KCTD21: variants seen among roughly 807,000 people sequenced by gnomAD.
KCTD21 encodes potassium channel tetramerization domain containing 21.
In KCTD21, 9 loss-of-function variants were observed where a neutral mutation model predicts 13.2. The ratio of observed to expected loss-of-function variants is 0.68; its 90% CI spans 0.41 to 1.19. The LOEUF (loss-of-function observed/expected upper bound fraction) is 1.19, where lower values mean the gene tolerates loss of function less well. KCTD21 is among the 50% of genes most tolerant of loss of function. The pLI, the probability that KCTD21 is intolerant of heterozygous loss-of-function variation, is 0.01. For missense variants in KCTD21, 303 were observed against 336.5 expected (o/e 0.90, Z 0.78); for synonymous variants, 142 against 137.4 (o/e 1.03, Z -0.23).
chr11:78,188,557 G>A lies in KCTD21; in HGVS notation c.-30+16C>T, dbSNP rs1862890169. On this transcript the variant is annotated intron_variant, in intron 1 of 1. Transcript: ENST00000340067. ...GTAGTCCCCGAGCCCCGCGACCCCG[G>A]CCGTGCCGCACCCACCTCCTGCCCT... The A allele has an allele frequency of 1.9e-5, 19 of 985,500 alleles. No homozygotes were observed. The highest frequency in any genetic ancestry group is 2.3e-5 in the Non-Finnish European group (19 of 830,042). 61.0% of individuals were successfully genotyped at this position (985,500 alleles called of 1,614,324 possible).
chr11:78,183,014 T>C (rs190280889), intron 1 of KCTD21, among the ~76,000 whole-genome samples: 18 of 152,326 alleles, frequency 1.2e-4, no homozygotes, highest in Admixed American at 6.5e-4. Flanking sequence ...CTATCATCTA[T>C]CTATCAATCA....
chr11:78,174,844 C>T (rs571038754), intron 1 of KCTD21: 20 of 331,186 alleles, frequency 6.0e-5, no homozygotes, highest in African/African-American at 2.7e-4. Context: ...CCCGCGCCCC[C>T]CTCTGCTGCC....
At chr11:78,183,931 G>T (rs544196460) in intron 1 of KCTD21, among the ~76,000 whole-genome samples, 6 of 152,016 alleles carry the variant, frequency 3.9e-5, no homozygotes, top group African/African-American at 1.4e-4. Context: ...CACCGCACCC[G>T]GCCAGGAAAA....
intron 1 of KCTD21, among the ~76,000 whole-genome samples, chr11:78,184,477 T>A (rs1343151407): frequency 6.6e-6 from 1 of 151,808 alleles, no homozygotes; most frequent in Non-Finnish European, 1.5e-5. Context: ...GCTGGGAGTA[T>A]AGGCACACAC....
intron 1 of KCTD21, among the ~76,000 whole-genome samples, chr11:78,175,606 T>C (rs1382152675): frequency 3.9e-5 from 6 of 152,214 alleles, no homozygotes; most frequent in Non-Finnish European, 7.3e-5. Flanking sequence ...CTGAATTTAA[T>C]TATTATTCTC....
chr11:78,180,889 G>A (rs1468561842), intron 1 of KCTD21, among the ~76,000 whole-genome samples: 2 of 106,936 alleles, frequency 1.9e-5, no homozygotes, highest in Non-Finnish European at 3.9e-5. Flanking sequence ...TCCTCATGCT[G>A]TTCTTGTGAT....
intron 1 of KCTD21, among the ~76,000 whole-genome samples, chr11:78,186,240 G>A (rs1862759004): frequency 6.6e-6 from 1 of 151,262 alleles, no homozygotes; most frequent in South Asian, 2.1e-4. Flanking sequence ...GCTGGGCATG[G>A]TAACACGTGC....
chr11:78,175,941 T>C (rs1590874795), intron 1 of KCTD21, among the ~76,000 whole-genome samples: 1 of 152,022 alleles, frequency 6.6e-6, no homozygotes, highest in Non-Finnish European at 1.5e-5. Context: ...TGTCCATGTG[T>C]TCTCATTGTT....
chr11:78,181,553 G>C lies in KCTD21; in HGVS notation c.-29-6970C>G, dbSNP rs140629418. Among the ~76,000 whole-genome samples the C allele has an allele frequency of 3.3e-3, 502 of 152,264 alleles. 3 individuals are homozygous for C. The highest frequency in any genetic ancestry group is 0.011 in the African/African-American group (472 of 41,554). ...ACACAAGGCATATTTTGGAGTGATG[G>C]GAATATTCTATTAGGTTGGCACAAA... On this transcript the variant is annotated intron_variant, in intron 1 of 1. Transcript: ENST00000340067.
In KCTD21 at chr11:78,173,612, T is replaced by G. The variant is rs1862348162; in HGVS notation, c.*160A>C. Reference sequence around the variant, plus strand: ...TGGTTCTGTTCAGAGGACACTGGATTCCAAAAGGTGGACTTCATCATGGGG... The same window carrying G: ...TGGTTCTGTTCAGAGGACACTGGATGCCAAAAGGTGGACTTCATCATGGGG... On this transcript the variant is annotated 3_prime_UTR_variant, in exon 2 of 2. Coordinates refer to ENST00000340067, the MANE Select transcript of KCTD21 (RefSeq NM_001029859.3). 16 of 687,638 alleles carry G rather than the reference T, an allele frequency of 2.3e-5. No homozygotes were observed. The South Asian group carries it at 2.8e-4, about 12-fold the overall frequency. 42.6% of individuals were successfully genotyped at this position (687,638 alleles called of 1,614,324 possible).
At chr11:78,187,859 C>A in intron 1 of KCTD21, 1 of 985,366 alleles carries the variant, frequency 1.0e-6, no homozygotes, top group Non-Finnish European at 1.2e-6. Context: ...GGGAGAAAAG[C>A]AAGGTCTTTG....
intron 1 of KCTD21, chr11:78,188,213 C>A (rs1862862180): frequency 1.0e-6 from 1 of 984,950 alleles, no homozygotes. Flanking sequence ...CCCAGCCCTA[C>A]AGCCCCCACT....
chr11:78,173,709 C>T lies in KCTD21; in HGVS notation c.*63G>A. 1.4e-6 allele frequency: 2 copies of T among 1,433,404 alleles called. No homozygotes were observed. The highest frequency in any genetic ancestry group is 1.9e-6 in the Non-Finnish European group (2 of 1,041,648). 88.8% of individuals were successfully genotyped at this position (1,433,404 alleles called of 1,614,324 possible). A position where few individuals can be genotyped will look rare whatever the true frequency, so the allele number is the denominator to read the frequency against. ...TGCCTCGCACCACTGGCGAGATGCC[C>T]TCCAAGACCTGGCTGACATGAGCTT... is the stretch of plus-strand genomic sequence containing the variant. On this transcript the variant is annotated 3_prime_UTR_variant, in exon 2 of 2. Transcript: ENST00000340067.
intron 1 of KCTD21, among the ~76,000 whole-genome samples, chr11:78,182,252 A>G (rs1862646707): frequency 6.6e-6 from 1 of 151,626 alleles, no homozygotes; most frequent in Non-Finnish European, 1.5e-5. Context: ...AGACTGTGCC[A>G]CTGCACTCTG....
intron 1 of KCTD21, chr11:78,188,117 G>C: frequency 1.0e-6 from 1 of 985,370 alleles, no homozygotes; most frequent in Non-Finnish European, 1.2e-6. Flanking sequence ...CTCCAGAGCG[G>C]GGCAAGTTCC....
intron 1 of KCTD21, among the ~76,000 whole-genome samples, chr11:78,180,105 C>A (rs1565385059): frequency 6.6e-6 from 1 of 152,308 alleles, no homozygotes; most frequent in South Asian, 2.1e-4. Context: ...TAAAACTACA[C>A]AACTTCTAGG....
chr11:78,180,411 A>C (rs1862580119), intron 1 of KCTD21, among the ~76,000 whole-genome samples: 1 of 152,254 alleles, frequency 6.6e-6, no homozygotes, highest in African/African-American at 2.4e-5. Flanking sequence ...CTGTAATCCC[A>C]GCACTTTGGG....
At position 78,173,987 on chromosome 11, in the gene KCTD21, C is replaced by T. The variant is rs1182953872; in HGVS notation, c.568G>A (p.Ala190Thr). The T allele has an allele frequency of 4.3e-6, 7 of 1,613,876 alleles. No homozygotes were observed. The Admixed American group carries it at 5.0e-5, about 12-fold the overall frequency. Residue 190 changes from alanine to threonine, a missense_variant, in exon 2 of 2, where the codon GCC becomes ACC. Ala to Thr is a moderately conservative substitution (Grantham distance 58, BLOSUM62 0). Transcript: ENST00000340067. Reference sequence around the variant, plus strand: ...TCCTCTGGCAGGCCCTCCACATTGGCCACCCAGTCCAGAGTCAGGTGGTTG... The same window carrying T: ...TCCTCTGGCAGGCCCTCCACATTGGTCACCCAGTCCAGAGTCAGGTGGTTG... ...DPNHLTLDWV[A>T]NVEGLPEEEY...
rs1429507091 is a variant in KCTD21 at position 78,174,010 on chromosome 11, T to C, written c.545A>G (p.Asn182Ser). ...GGCCACCCAGTCCAGAGTCAGGTGGTTGGGGTCCTGCAAGTGGCTGGTGAT... is the reference window on the plus strand; with the variant it reads ...GGCCACCCAGTCCAGAGTCAGGTGGCTGGGGTCCTGCAAGTGGCTGGTGAT... ...SSITSHLQDPNHLTLDWVANV... is the reference protein window; with the variant it reads ...SSITSHLQDPSHLTLDWVANV... The change falls in exon 2 of 2, where the codon AAC (asparagine) becomes AGC (serine). Residue 182 changes from asparagine (N) to serine (S), a missense_variant. Transcript: ENST00000340067. 5 of 1,613,858 alleles carry C rather than the reference T, an allele frequency of 3.1e-6. No individual in the cohort carries two copies. Among genetic ancestry groups the C allele is most frequent in the Admixed American group, 1.7e-5 (1 of 59,976 alleles).
Sources: gnomAD v4.1 joint callset for allele counts (sites outside exome capture counted in the v4.1 genomes callset) on GRCh38, gnomAD v4.1.1 for gene constraint, MANE v1.5 for transcripts, NCBI Gene and HGNC (gene_info 2026-07-23, HGNC 2026-07-21) for gene names.